Variants in MAPK13 observed in about 807,000 individuals in gnomAD.
MAPK13 encodes the protein mitogen-activated protein kinase 13, also known as MAP kinase 13.
In MAPK13, 39 loss-of-function variants were observed where a neutral mutation model predicts 53.5. The ratio of observed to expected loss-of-function variants is 0.73; its 90% CI spans 0.56 to 0.95. The LOEUF (loss-of-function observed/expected upper bound fraction) is 0.95. Among genes scored for constraint, MAPK13 ranks in the 40% least tolerant of loss-of-function variants. The pLI is 0.00. For missense variants in MAPK13, 460 were observed against 471.8 expected, an observed-to-expected ratio of 0.98 and a Z score of 0.23; for synonymous variants, 179 against 190.9, an observed-to-expected ratio of 0.94 and a Z score of 0.51.
In MAPK13 at chr6:36,137,087, A is replaced by T. The variant is rs1347989710; in HGVS notation, c.682+137A>T. On this transcript the variant is annotated intron_variant, in intron 8 of 11. Transcript: ENST00000211287. ...GTAGAATAATTTGTAAATGCAGATA[A>T]GGCTGGACGCAGTGGTTCATGCCTG... is the stretch of plus-strand genomic sequence containing the variant. The T allele has an allele frequency of 4.0e-6, 3 of 751,546 alleles. No individual in the cohort carries two copies. The Admixed American group carries it at 7.8e-5, about 19-fold the overall frequency. The allele number at this position is 751,546 out of a possible 1,614,324, so 46.6% of individuals were successfully genotyped here. A position where few individuals can be genotyped will look rare whatever the true frequency, so the allele number is the denominator to read the frequency against.
At chr6:36,131,119 A>C in intron 1 of MAPK13, 152 bp from the exon 2 acceptor site, 1 of 830,336 alleles carries the variant, frequency 1.2e-6, no homozygotes, top group South Asian at 2.1e-5. Flanking sequence ...CTGGCTTCCT[A>C]CTCCCTGCCC....
Position 36,130,667 on chromosome 6 carries a change from A to T in MAPK13, c.85A>T (p.Thr29Ser), listed in dbSNP as rs779041093. The change falls in exon 1 of 12, where the codon ACG (threonine) becomes TCG (serine). Residue 29 changes from threonine (T) to serine (S), a missense_variant. Thr to Ser is a moderately conservative substitution (Grantham distance 58). Coordinates refer to ENST00000211287, the MANE Select transcript of MAPK13 (RefSeq NM_002754.5). The surrounding 1 kb of genome is among the most constrained non-coding windows in gnomAD (Gnocchi z 4.5). ...GCTGCCCAAGACCTACGTGTCCCCG[A>T]CGCACGTCGGCAGCGGGGCCTATGG... ...WELPKTYVSP[T>S]HVGSGAYGSV... is the part of the protein sequence containing the mutation. 6 of 1,570,728 alleles carry T rather than the reference A, an allele frequency of 3.8e-6. No individual in the cohort carries two copies. The highest frequency in any genetic ancestry group is 1.8e-5 in the Admixed American group (1 of 56,762).
In MAPK13 at chr6:36,130,733, G is replaced by GCGGGGGT. The variant is rs778423469; in HGVS notation, c.119+36_119+37insGGTCGGG. 5 of 1,098,936 alleles carry GCGGGGGT rather than the reference G, an allele frequency of 4.5e-6. No individual in the cohort carries two copies. In the East Asian group the frequency reaches 9.9e-5, roughly 22 times the overall value. The allele number at this position is 1,098,936 out of a possible 1,614,324, so 68.1% of individuals were successfully genotyped here. A position where few individuals can be genotyped will look rare whatever the true frequency, so the allele number is the denominator to read the frequency against. On this transcript the variant is annotated intron_variant, in intron 1 of 11. Transcript: ENST00000211287. This position sits in a 1 kb window ranked among gnomAD's most constrained non-coding sequence, Gnocchi z 4.5. The stretch of plus-strand genomic sequence containing the variant: ...CCCCTGGGCCGCTGGGGGGCGGGGG[G>GCGGGGGT]CGGGCGCCAGGCTCTCCCCTTTCCG...
intron 8 of MAPK13, among the ~76,000 whole-genome samples, chr6:36,137,908 AAGACTGTGCCACTGCACTCC>A (rs1766450992): frequency 6.7e-6 from 1 of 148,642 alleles, no homozygotes; most frequent in Admixed American, 6.8e-5. Flanking sequence ...GCAGTGAGCC[AAGACTGTGCCACTGCACTCC>A]AGCCTGAGTG....
At chr6:36,135,196 T>G (rs1243176549) in intron 3 of MAPK13, among the ~76,000 whole-genome samples, 1 of 152,226 alleles carries the variant, frequency 6.6e-6, no homozygotes, top group Non-Finnish European at 1.5e-5. Flanking sequence ...TTGCTTTTAC[T>G]GTAACAGTTA....
At chr6:36,133,065 A>C (rs1766350506) in intron 3 of MAPK13, among the ~76,000 whole-genome samples, 1 of 152,234 alleles carries the variant, frequency 6.6e-6, no homozygotes, top group Non-Finnish European at 1.5e-5. Context: ...AAGGATTAAG[A>C]AGCCTTGGCT....
chr6:36,138,798 C>T lies in MAPK13; in HGVS notation c.841+18C>T. On this transcript the variant is annotated intron_variant, in intron 10 of 11. Coordinates refer to ENST00000211287, the MANE Select transcript of MAPK13 (RefSeq NM_002754.5). ...CCCCCAGGGTGAGTCTCAGAGCCCG[C>T]TCCCCAGGGGCCTCTCAGCGTATCC... 45 of 1,614,082 alleles carry T rather than the reference C, an allele frequency of 2.8e-5. No homozygotes were observed. The highest frequency in any genetic ancestry group is 3.8e-5 in the Non-Finnish European group (45 of 1,179,954).
At chr6:36,137,956 C>T (rs1167946476) in intron 8 of MAPK13, among the ~76,000 whole-genome samples, 1 of 34,590 alleles carries the variant, frequency 2.9e-5, no homozygotes, top group African/African-American at 1.3e-4. Context: ...GAGACCCTGT[C>T]TCAAAAAAAA....
chr6:36,132,509 G>A, intron 2 of MAPK13, 112 bp from the exon 3 acceptor site: 1 of 892,818 alleles, frequency 1.1e-6, no homozygotes, highest in Non-Finnish European at 1.9e-6. Context: ...GCCTCCTGCT[G>A]GAGGTGGTGT....
chr6:36,135,195 C>T (rs1766392547), intron 3 of MAPK13, among the ~76,000 whole-genome samples: 1 of 152,190 alleles, frequency 6.6e-6, no homozygotes, highest in South Asian at 2.1e-4. Flanking sequence ...TTTGCTTTTA[C>T]TGTAACAGTT....
At chr6:36,135,656 C>T (rs1325570189) in intron 3 of MAPK13, 97 bp from the exon 4 acceptor site, 1 of 794,648 alleles carries the variant, frequency 1.3e-6, no homozygotes, top group Non-Finnish European at 2.1e-6. Context: ...GAGGGTGTCT[C>T]TATGACCCCT....
chr6:36,135,675 C>T, intron 3 of MAPK13, 78 bp from the exon 4 acceptor site: 1 of 1,003,262 alleles, frequency 1.0e-6, no homozygotes, highest in South Asian at 1.4e-5. Context: ...CTGTTCTGCC[C>T]TGAGGTCCCT....
Position 36,135,742 on chromosome 6 carries a change from A to G in MAPK13, c.309-11A>G. 2 of 1,603,642 alleles carry G rather than the reference A, an allele frequency of 1.2e-6. No homozygotes were observed. The highest frequency in any genetic ancestry group is 1.7e-6 in the Non-Finnish European group (2 of 1,172,122). On this transcript the variant is annotated splice_polypyrimidine_tract_variant and intron_variant, in intron 3 of 11. Coordinates refer to ENST00000211287, the MANE Select transcript of MAPK13 (RefSeq NM_002754.5). ...CCCGGCACTGTTCCAAGAACCCCTC[A>G]TGCCTTCCAGCTACCTGGTGATGCC... is the stretch of plus-strand genomic sequence containing the variant.
chr6:36,139,575 T>A lies in MAPK13; in HGVS notation c.*202T>A. 1.8e-6 allele frequency: 1 copy of A among 558,884 alleles called. No individual in the cohort carries two copies. The highest frequency in any genetic ancestry group is 3.2e-6 in the Non-Finnish European group (1 of 312,286). 34.6% of individuals were successfully genotyped at this position (558,884 alleles called of 1,614,324 possible). On this transcript the variant is annotated 3_prime_UTR_variant, in exon 12 of 12. Transcript: ENST00000211287. ...CTAGCTCTGATCCTAACAGGCCACG[T>A]TAAACTGCCCATCTGGAGAATCGCC...
rs756895251 is a variant in MAPK13 at position 36,135,715 on chromosome 6, G to A, written c.309-38G>A. 15 of 1,470,734 alleles carry A rather than the reference G, an allele frequency of 1.0e-5. No homozygotes were observed. In the African/African-American group the frequency reaches 2.1e-4, roughly 20 times the overall value. The allele number at this position is 1,470,734 out of a possible 1,614,324, so 91.1% of individuals were successfully genotyped here. ...TGAGCTCTGACCTGGGGCTGGGTGG[G>A]ACCCGGCACTGTTCCAAGAACCCCT... On this transcript the variant is annotated intron_variant, in intron 3 of 11. Transcript: ENST00000211287.
At chr6:36,136,437 C>T in intron 5 of MAPK13, 47 bp from the exon 6 acceptor site, 1 of 1,505,690 alleles carries the variant, frequency 6.6e-7, no homozygotes, top group South Asian at 1.3e-5. Flanking sequence ...CTAGGACAAG[C>T]TCCATCTCTG....
rs1168038702 is a variant in MAPK13 at position 36,140,441 on chromosome 6, T to G, written c.*1068T>G. 6.5e-6 allele frequency: 1 copy of G among 152,898 alleles called. No homozygotes were observed. Among genetic ancestry groups the G allele is most frequent in the African/African-American group, 2.4e-5 (1 of 41,466 alleles). The allele number at this position is 152,898 out of a possible 1,614,324, so 9.5% of individuals were successfully genotyped here. On this transcript the variant is annotated 3_prime_UTR_variant, in exon 12 of 12. Transcript: ENST00000211287. ...GAAACTTTGGCAGAACAAATTTCCA[T>G]GTGCACAAGCTGTCGGGCACAGTGG...
intron 9 of MAPK13, 112 bp downstream of exon 9, chr6:36,138,556 C>G (rs1346277844): frequency 1.0e-5 from 13 of 1,279,748 alleles, no homozygotes; most frequent in Non-Finnish European, 1.5e-5. Flanking sequence ...CCCACAGCAT[C>G]CTCCTACCCT....
chr6:36,135,053 A>G (rs1313461583), intron 3 of MAPK13, among the ~76,000 whole-genome samples: 6 of 152,202 alleles, frequency 3.9e-5, no homozygotes, highest in Non-Finnish European at 8.8e-5. Flanking sequence ...ATGGGTCCCT[A>G]TGTTGCTCAG....
Sources: allele counts gnomAD v4.1 joint callset (sites outside exome capture counted in the v4.1 genomes callset), GRCh38; gene constraint gnomAD v4.1.1; non-coding constraint Gnocchi (gnomAD v3.1); transcripts MANE v1.5; gene names NCBI Gene and HGNC (gene_info 2026-07-23, HGNC 2026-07-21).